Variants in STS observed in about 807,000 individuals in gnomAD.
STS encodes the protein steryl-sulfatase.
A neutral mutation model predicts 26.8 loss-of-function variants in STS; 7 were observed. The observed-to-expected ratio is 0.26, with a 90% CI of 0.15 to 0.49. The LOEUF (loss-of-function observed/expected upper bound fraction) is 0.49, where lower values mean the gene tolerates loss of function less well. Ranked by LOEUF, STS falls within the 20% of genes least tolerant of loss-of-function variation. The pLI is 0.98. For missense variants in STS, 434 were observed against 465.6 expected, an observed-to-expected ratio of 0.93 and a Z score of 0.63; for synonymous variants, 199 against 189.4, an observed-to-expected ratio of 1.05 and a Z score of -0.42.
At chrX:7,294,557 T>G (rs1469322881) in intron 7 of STS, among the ~76,000 whole-genome samples, 2 of 111,738 alleles carry the variant, frequency 1.8e-5, no homozygotes, top group African/African-American at 6.5e-5. Context: ...GCAAAAGCAT[T>G]TAGTCTATTT....
chrX:7,326,933 C>T (rs1277821952), intron 9 of STS, among the ~76,000 whole-genome samples: 1 of 111,978 alleles, frequency 8.9e-6, no homozygotes, highest in Non-Finnish European at 1.9e-5. Flanking sequence ...CAGACACACA[C>T]ACCAATGAGA....
At chrX:7,196,862 C>CA (rs1243520827) in intron 2 of STS, among the ~76,000 whole-genome samples, 1 of 111,276 alleles carries the variant, frequency 9.0e-6, no homozygotes, top group East Asian at 2.8e-4. Context: ...TCACCACCAG[C>CA]AGCCAGAGGC....
chrX:7,276,344 G>A (rs1309455345), intron 7 of STS, among the ~76,000 whole-genome samples: 1 of 111,161 alleles, frequency 9.0e-6, no homozygotes, highest in African/African-American at 3.3e-5. Flanking sequence ...GGTGGTACAT[G>A]CCTGTGGTCC....
chrX:7,246,215 C>T (rs917849591), intron 2 of STS, among the ~76,000 whole-genome samples: 1 of 111,206 alleles, frequency 9.0e-6, no homozygotes, highest in African/African-American at 3.3e-5. Context: ...CCATTGTTCG[C>T]TCTTTGTTAC....
At chrX:7,319,986 A>ATATT (rs1926902538) in intron 8 of STS, among the ~76,000 whole-genome samples, 2 of 90,312 alleles carry the variant, frequency 2.2e-5, no homozygotes, top group African/African-American at 9.0e-5. Context: ...ATGTATATAT[A>ATATT]TTTATATATA....
intron 2 of STS, among the ~76,000 whole-genome samples, chrX:7,204,540 C>G (rs1477368056): frequency 3.3e-5 from 3 of 91,969 alleles, no homozygotes; most frequent in South Asian, 6.4e-4. Context: ...TCCCTCCCTC[C>G]TTTCCTCCCT....
At chrX:7,279,292 A>AAATATATATAT (rs1477179869) in intron 7 of STS, among the ~76,000 whole-genome samples, 1 of 62,781 alleles carries the variant, frequency 1.6e-5, no homozygotes, top group African/African-American at 6.2e-5. Flanking sequence ...AAAAAAAAAA[A>AAATATATATAT]ATATATATAT....
At chrX:7,323,975 T>C (rs1927218046) in intron 8 of STS, among the ~76,000 whole-genome samples, 1 of 111,163 alleles carries the variant, frequency 9.0e-6, no homozygotes, top group Non-Finnish European at 1.9e-5. Flanking sequence ...ACAAAAAGAG[T>C]CAGACTCTGT....
At chrX:7,271,030 C>T (rs1924246034) in intron 6 of STS, among the ~76,000 whole-genome samples, 1 of 107,097 alleles carries the variant, frequency 9.3e-6, no homozygotes, top group Non-Finnish European at 1.9e-5. Context: ...AGCAAGAGGA[C>T]TGCTATCCAA....
chrX:7,288,006 G>A (rs1925219648), intron 7 of STS, among the ~76,000 whole-genome samples: 1 of 109,995 alleles, frequency 9.1e-6, no homozygotes, highest in Non-Finnish European at 1.9e-5. Context: ...TTGTGTGTAG[G>A]GTTAGTACAG....
At chrX:7,251,987 T>C (rs1923161975) in intron 2 of STS, among the ~76,000 whole-genome samples, 1 of 110,599 alleles carries the variant, frequency 9.0e-6, no homozygotes, top group Non-Finnish European at 1.9e-5. Flanking sequence ...AAAATAAAAT[T>C]ACTTAATAGA....
At chrX:7,229,239 T>C (rs1921949963) in intron 2 of STS, among the ~76,000 whole-genome samples, 1 of 112,177 alleles carries the variant, frequency 8.9e-6, no homozygotes, top group Admixed American at 9.5e-5. Context: ...GGCCCCTTGG[T>C]AAGCTGCCAT....
chrX:7,233,228 G>A (rs897139371), intron 2 of STS, among the ~76,000 whole-genome samples: 1 of 108,495 alleles, frequency 9.2e-6, no homozygotes, highest in Admixed American at 9.9e-5. Flanking sequence ...CAAGCAGCTG[G>A]GATTATAGGC....
Position 7,351,264 on chromosome X carries a change from A to C in STS, c.*1003A>C, listed in dbSNP as rs1406324505. The C allele has an allele frequency of 8.9e-6, 1 of 112,147 alleles. No homozygotes were observed. Among genetic ancestry groups the C allele is most frequent in the Non-Finnish European group, 1.9e-5 (1 of 53,274 alleles). 9.2% of individuals were successfully genotyped at this position (112,147 alleles called of 1,213,427 possible). A position where few individuals can be genotyped will look rare whatever the true frequency, so the allele number is the denominator to read the frequency against. On this transcript the variant is annotated 3_prime_UTR_variant, in exon 11 of 11. Coordinates refer to ENST00000674429, the MANE Select transcript of STS (RefSeq NM_001320752.2). Reference sequence around the variant, plus strand: ...TGGAGGGGAACAAAAATCACTCACAAGCAATCCATGATCTATACACATAAG... The same window carrying C: ...TGGAGGGGAACAAAAATCACTCACACGCAATCCATGATCTATACACATAAG...
chrX:7,341,731 T>C (rs1294608237), intron 10 of STS, among the ~76,000 whole-genome samples: 1 of 111,397 alleles, frequency 9.0e-6, no homozygotes, highest in African/African-American at 3.3e-5. Context: ...ACCCTGGATT[T>C]CATAATGACA....
chrX:7,310,148 T>C (rs906958655), intron 8 of STS, among the ~76,000 whole-genome samples: 2 of 112,237 alleles, frequency 1.8e-5, no homozygotes, highest in African/African-American at 6.5e-5. Flanking sequence ...TTCCATACCA[T>C]GTGATTATGA....
At chrX:7,205,287 A>G (rs1376941491) in intron 2 of STS, among the ~76,000 whole-genome samples, 3 of 112,159 alleles carry the variant, frequency 2.7e-5, no homozygotes, top group Non-Finnish European at 5.6e-5. Context: ...TGGGAATGTA[A>G]TTATTGCAAT....
chrX:7,287,093 GCCTT>G (rs1209871168), intron 7 of STS, among the ~76,000 whole-genome samples: 12 of 111,231 alleles, frequency 1.1e-4, no homozygotes, highest in African/African-American at 3.9e-4. Flanking sequence ...CTTTTCTTGT[GCCTT>G]CCTACGATGT....
chrX:7,258,009 GGGATGGATGGATGGATGGAT>G (rs36138671), intron 5 of STS, among the ~76,000 whole-genome samples: 1 of 100,558 alleles, frequency 9.9e-6, no homozygotes. Flanking sequence ...TGAGATAGAT[GGGATGGATGGATGGATGGAT>G]GGATGGATGG....
Sources: gnomAD v4.1 joint callset for allele counts (sites outside exome capture counted in the v4.1 genomes callset) on GRCh38, gnomAD v4.1.1 for gene constraint, MANE v1.5 for transcripts, NCBI Gene and HGNC (gene_info 2026-07-23, HGNC 2026-07-21) for gene names.